GNA12: variants seen among roughly 807,000 people sequenced by gnomAD.
GNA12 encodes the protein guanine nucleotide-binding protein subunit alpha-12.
In GNA12, 9 loss-of-function variants were observed where a neutral mutation model predicts 26.0. The ratio of observed to expected loss-of-function variants is 0.35; its 90% CI spans 0.21 to 0.60. The LOEUF is 0.60. Ranked by LOEUF, GNA12 falls within the 20% of genes least tolerant of loss-of-function variation. The probability of loss-of-function intolerance (pLI) is 0.78; values close to 1 mark genes in which losing one functional copy is unlikely to be tolerated. For missense variants in GNA12, 405 were observed against 525.8 expected, an observed-to-expected ratio of 0.77 and a Z score of 2.25; for synonymous variants, 264 against 219.6, an observed-to-expected ratio of 1.20 and a Z score of -1.79.
intron 2 of GNA12, among the ~76,000 whole-genome samples, chr7:2,743,259 T>G (rs1790599597): frequency 6.6e-6 from 1 of 152,174 alleles, no homozygotes; most frequent in Admixed American, 6.5e-5. Context: ...AGTTGGCAGT[T>G]TGGGTCTCAC....
At chr7:2,822,207 G>A (rs77835433) in intron 1 of GNA12, among the ~76,000 whole-genome samples, 7 of 152,162 alleles carry the variant, frequency 4.6e-5, no homozygotes, top group African/African-American at 1.7e-4. Flanking sequence ...TGCCTCCTCC[G>A]AGATGTTGTT....
chr7:2,804,941 A>G (rs1440635148), intron 1 of GNA12, among the ~76,000 whole-genome samples: 1 of 151,936 alleles, frequency 6.6e-6, no homozygotes, highest in East Asian at 1.9e-4. Context: ...ATACGCAGCT[A>G]ATGTTCATTT....
At chr7:2,739,945 T>A (rs1039726414) in intron 2 of GNA12, among the ~76,000 whole-genome samples, 5 of 152,208 alleles carry the variant, frequency 3.3e-5, no homozygotes, top group African/African-American at 1.2e-4. Context: ...AGTGCTGGGA[T>A]TACAGGTGTG....
intron 1 of GNA12, among the ~76,000 whole-genome samples, chr7:2,810,854 C>T (rs531988658): frequency 4.6e-5 from 7 of 152,020 alleles, no homozygotes; most frequent in South Asian, 4.2e-4. Flanking sequence ...GCCATGATTA[C>T]GCCATTGCAT....
In GNA12 at chr7:2,731,872, G is replaced by C; in HGVS notation, c.577-122C>G. On this transcript the variant is annotated intron_variant, in intron 3 of 3. Transcript: ENST00000275364. This position sits in a 1 kb window ranked among gnomAD's most constrained non-coding sequence, Gnocchi z 6.0. Reference sequence around the variant, plus strand: ...CTGACTTTTGCAACAGGTTGAACCAGAAACCAAAAGCAAATTTCATTTATA... The same window carrying C: ...CTGACTTTTGCAACAGGTTGAACCACAAACCAAAAGCAAATTTCATTTATA... The C allele has an allele frequency of 3.7e-6, 2 of 534,862 alleles. No homozygotes were observed. Among genetic ancestry groups the C allele is most frequent in the Non-Finnish European group, 6.5e-6 (2 of 309,228 alleles). 33.1% of individuals were successfully genotyped at this position (534,862 alleles called of 1,614,324 possible).
intron 2 of GNA12, among the ~76,000 whole-genome samples, chr7:2,793,187 G>GA (rs749399106): frequency 5.3e-4 from 80 of 152,284 alleles, no homozygotes; most frequent in Admixed American, 1.2e-3. Context: ...GAAAGGCAAG[G>GA]AAAGATCAAG....
chr7:2,757,275 G>A (rs922644741), intron 2 of GNA12, among the ~76,000 whole-genome samples: 12 of 104 alleles, frequency 0.12, 1 homozygote, highest in East Asian at 0.5. Context: ...AGCTGGGACC[G>A]CAGCGCCCGC....
chr7:2,809,513 T>C (rs1793028458), intron 1 of GNA12, among the ~76,000 whole-genome samples: 1 of 152,052 alleles, frequency 6.6e-6, no homozygotes, highest in Non-Finnish European at 1.5e-5. Context: ...CATACTTTAT[T>C]TGAAAAAAAA....
At chr7:2,839,673 T>C (rs890688699) in intron 1 of GNA12, among the ~76,000 whole-genome samples, 1 of 152,176 alleles carries the variant, frequency 6.6e-6, no homozygotes, top group African/African-American at 2.4e-5. Flanking sequence ...CATGAGCCAT[T>C]GCACCTGGCC....
rs113996728 is a variant in GNA12 at position 2,765,619 on chromosome 7, T to G, written c.525+29309A>C. ...GGAGTTCTGTATCCTGTGTTTGTTT[T>G]TTTTTTTCTTCTTTTTATTTTTTGC... On this transcript the variant is annotated intron_variant, in intron 2 of 3. Coordinates refer to ENST00000275364, the MANE Select transcript of GNA12 (RefSeq NM_007353.3). Among the ~76,000 whole-genome samples, 224 of 151,758 alleles carry G rather than the reference T, an allele frequency of 1.5e-3. 1 individual carries two copies. The highest frequency in any genetic ancestry group is 5.1e-3 in the African/African-American group (212 of 41,406).
chr7:2,758,941 G>C (rs1791427576), intron 2 of GNA12, among the ~76,000 whole-genome samples: 2 of 152,012 alleles, frequency 1.3e-5, no homozygotes, highest in Admixed American at 1.3e-4. Flanking sequence ...AGGAGTTCGA[G>C]ACCAGCCTCC....
chr7:2,831,734 T>C (rs922320552), intron 1 of GNA12, among the ~76,000 whole-genome samples: 2 of 152,076 alleles, frequency 1.3e-5, no homozygotes, highest in African/African-American at 2.4e-5. Flanking sequence ...AAAACACAAG[T>C]GGTCACAAAA....
intron 2 of GNA12, among the ~76,000 whole-genome samples, chr7:2,782,587 T>C (rs1562425461): frequency 1.3e-5 from 2 of 152,200 alleles, no homozygotes; most frequent in African/African-American, 2.4e-5. Context: ...TACCTTTTTC[T>C]GTAGCTGCTT....
intron 1 of GNA12, among the ~76,000 whole-genome samples, chr7:2,807,189 T>A (rs556561299): frequency 1.6e-4 from 24 of 152,322 alleles, no homozygotes; most frequent in Middle Eastern, 3.4e-3. Context: ...AGTGTATGTA[T>A]ACTGACAACT....
intron 2 of GNA12, among the ~76,000 whole-genome samples, chr7:2,738,226 C>A (rs1187811987): frequency 6.6e-6 from 1 of 151,786 alleles, no homozygotes; most frequent in Non-Finnish European, 1.5e-5. Flanking sequence ...ACAAGCCTGG[C>A]CAACATGGTG....
At chr7:2,786,851 C>G (rs958633123) in intron 2 of GNA12, among the ~76,000 whole-genome samples, 10 of 152,170 alleles carry the variant, frequency 6.6e-5, no homozygotes, top group Admixed American at 2.0e-4. Flanking sequence ...ATCTCGAGAC[C>G]TGAAGGAACG....
chr7:2,772,177 C>G (rs1483737264), intron 2 of GNA12, among the ~76,000 whole-genome samples: 1 of 152,180 alleles, frequency 6.6e-6, no homozygotes, highest in African/African-American at 2.4e-5. Context: ...ATCGAGAATT[C>G]CCAAGAAAAT....
At chr7:2,746,897 G>T (rs1332616060) in intron 2 of GNA12, among the ~76,000 whole-genome samples, 10 of 152,134 alleles carry the variant, frequency 6.6e-5, no homozygotes, top group Non-Finnish European at 1.3e-4. Context: ...ACACCTCTAC[G>T]CAAATAAACT....
rs1166750331 is a variant in GNA12, at chr7:2,731,596, C to T, written c.731G>A (p.Gly244Glu). Reference protein sequence around the residue: ...QRQKWFQCFDGITSILFMVSS... With the variant: ...QRQKWFQCFDEITSILFMVSS... ...GACCATGAACAGGATGGACGTGATCCCGTCGAAGCACTGGAACCACTTCTG... is the reference window on the plus strand; with the variant it reads ...GACCATGAACAGGATGGACGTGATCTCGTCGAAGCACTGGAACCACTTCTG... Residue 244 changes from glycine to glutamate, a missense_variant, in exon 4 of 4, where the codon GGG becomes GAG. Coordinates refer to ENST00000275364, the MANE Select transcript of GNA12 (RefSeq NM_007353.3). The surrounding 1 kb of genome is among the most constrained non-coding windows in gnomAD (Gnocchi z 6.0). 6.2e-7 allele frequency: 1 copy of T among 1,613,752 alleles called. No homozygotes were observed. Among genetic ancestry groups the T allele is most frequent in the Non-Finnish European group, 8.5e-7 (1 of 1,179,822 alleles).
Sources: gnomAD v4.1 joint callset for allele counts (sites outside exome capture counted in the v4.1 genomes callset) on GRCh38, gnomAD v4.1.1 for gene constraint, Gnocchi (gnomAD v3.1) non-coding constraint, MANE v1.5 for transcripts, NCBI Gene and HGNC (gene_info 2026-07-23, HGNC 2026-07-21) for gene names.